EP400: variants seen among roughly 807,000 people sequenced by gnomAD.
EP400 encodes the protein E1A-binding protein p400.
A neutral mutation model predicts 354.1 loss-of-function variants in EP400; 105 were observed. The observed-to-expected ratio is 0.30, with a 90% CI of 0.25 to 0.35. The LOEUF (loss-of-function observed/expected upper bound fraction) is 0.35. Among genes scored for constraint, EP400 ranks in the 10% least tolerant of loss-of-function variants. The probability of loss-of-function intolerance (pLI) is 1.00; values close to 1 mark genes in which losing one functional copy is unlikely to be tolerated. For synonymous variants in EP400, 1,646 were observed against 1,716.9 expected (o/e 0.96, Z 1.02); for missense variants, 3,280 against 4,121.0 (o/e 0.80, Z 5.59).
At position 132,069,616 on chromosome 12, in the gene EP400, C is replaced by A; in HGVS notation, c.8996C>A (p.Ala2999Asp). The A allele has an allele frequency of 6.2e-7, 1 of 1,614,222 alleles. No homozygotes were observed. Among genetic ancestry groups the A allele is most frequent in the Non-Finnish European group, 8.5e-7 (1 of 1,180,018 alleles). ...PISQAQKLAG[A>D]QQVQTQIQVA... The stretch of plus-strand genomic sequence containing the variant: ...TCCCAGGCCCAGAAACTGGCCGGGG[C>A]CCAGCAAGTGCAGACCCAGATCCAG... Residue 2999 changes from alanine (A) to aspartate (D), a missense_variant, in exon 51 of 53, where the codon GCC becomes GAC. Ala to Asp is a moderately radical substitution (Grantham distance 126). Around this residue, in one of 20 missense-constraint regions of EP400, gnomAD observed 279 missense variants for 386.7 expected, o/e 0.72. Transcript: ENST00000389561.
At chr12:131,959,530 A>G (rs1252348700) in intron 1 of EP400, among the ~76,000 whole-genome samples, 1 of 152,116 alleles carries the variant, frequency 6.6e-6, no homozygotes, top group Non-Finnish European at 1.5e-5. Flanking sequence ...GACTTTCCTC[A>G]GTGGCCCCTT....
chr12:132,077,628 C>T lies in EP400; in HGVS notation c.9327C>T (p.Val3109=). Residue 3109 remains valine (V), a synonymous_variant, in exon 53 of 53, where the codon GTC becomes GTT. Coordinates refer to ENST00000389561, the MANE Select transcript of EP400 (RefSeq NM_015409.5). ...AGCAGCCCAAGTTACAGATGAGGGTCCCTGCTGTCAGGCTAAAGACACCTA... is the reference window on the plus strand; with the variant it reads ...AGCAGCCCAAGTTACAGATGAGGGTTCCTGCTGTCAGGCTAAAGACACCTA... The part of the protein sequence containing the change: ...PSQQPKLQMR[V]PAVRLKTPTK... 1 of 1,613,744 alleles carries T rather than the reference C, an allele frequency of 6.2e-7. No homozygotes were observed. The highest frequency in any genetic ancestry group is 8.5e-7 in the Non-Finnish European group (1 of 1,179,882).
At chr12:131,999,087 G>A (rs1893319780) in intron 12 of EP400, among the ~76,000 whole-genome samples, 1 of 151,814 alleles carries the variant, frequency 6.6e-6, no homozygotes, top group Non-Finnish European at 1.5e-5. Context: ...TTGAAAGAGA[G>A]CACTTTCAGT....
At chr12:131,968,820 G>T (rs1041276993) in intron 2 of EP400, among the ~76,000 whole-genome samples, 16 of 151,950 alleles carry the variant, frequency 1.1e-4, no homozygotes, top group Non-Finnish European at 2.9e-5. Flanking sequence ...ATTTTGGGGG[G>T]TATTATAAGT....
In EP400 at chr12:132,017,680, G is replaced by A. The variant is rs781782241; in HGVS notation, c.4069G>A (p.Ala1357Thr). ...YVAGPLEYPS[A>T]SLILKALERD... ...GGCGGGGCCACTGGAGTATCCGTCC[G>A]CATCTCTAATCCTGAAGGCACTGGA... The change falls in exon 20 of 53, where the codon GCA becomes ACA. Residue 1357 changes from alanine (A) to threonine (T), a missense_variant. By Grantham distance (58) the Ala-to-Thr change is moderately conservative (BLOSUM62 0). This residue lies in a region of EP400 where 342 missense variants were observed against 342.7 expected (regional missense o/e 1.00). Transcript: ENST00000389561. This position sits in a 1 kb window ranked among gnomAD's most constrained non-coding sequence, Gnocchi z 5.0. 51 of 1,569,606 alleles carry A rather than the reference G, an allele frequency of 3.2e-5. 2 individuals carry two copies. Among genetic ancestry groups the A allele is most frequent in the South Asian group, 2.5e-4 (21 of 85,456 alleles).
chr12:131,982,005 G>A, intron 4 of EP400, 88 bp from the exon 5 acceptor site: 3 of 1,461,022 alleles, frequency 2.1e-6, no homozygotes, highest in South Asian at 1.4e-5. Context: ...GACAAGCACT[G>A]GGGTGTTAGA....
At chr12:131,987,568 T>C in intron 6 of EP400, 137 bp from the exon 7 acceptor site, 1 of 682,656 alleles carries the variant, frequency 1.5e-6, no homozygotes, top group Non-Finnish European at 2.3e-6. Flanking sequence ...GATATTAAAC[T>C]GGGACCTTGT....
Position 132,030,161 on chromosome 12 carries a change from G to A in EP400, c.5754+3G>A. 6.2e-7 allele frequency: 1 copy of A among 1,614,150 alleles called. No homozygotes were observed. Among genetic ancestry groups the A allele is most frequent in the Non-Finnish European group, 8.5e-7 (1 of 1,179,968 alleles). ...ATGCCAGCAGTGAGCAACGGCAGGT[G>A]AGAAGCACATTGTTTACATTGTCTC... On this transcript the variant is annotated splice_donor_region_variant and intron_variant, in intron 29 of 52. Transcript: ENST00000389561.
At chr12:132,007,494 A>C (rs1893624177) in intron 15 of EP400, among the ~76,000 whole-genome samples, 1 of 151,358 alleles carries the variant, frequency 6.6e-6, no homozygotes. Context: ...CCTCCTTTCC[A>C]GTCTTTAGAG....
chr12:132,004,978 G>C (rs1380085910), intron 12 of EP400, 99 bp from the exon 13 acceptor site: 1 of 837,234 alleles, frequency 1.2e-6, no homozygotes, highest in African/African-American at 1.7e-5. Flanking sequence ...GGAGCCCCTT[G>C]CCCTTCTTAC....
intron 15 of EP400, 32 bp from the exon 16 acceptor site, chr12:132,011,466 T>C (rs752565471): frequency 1.7e-5 from 27 of 1,611,498 alleles, no homozygotes; most frequent in Non-Finnish European, 2.0e-5. Context: ...ACAGATACTT[T>C]GACGTGGAAA....
intron 1 of EP400, among the ~76,000 whole-genome samples, chr12:131,957,059 C>CA: frequency 6.6e-6 from 1 of 151,918 alleles, no homozygotes; most frequent in Admixed American, 6.6e-5. Context: ...TTAATAGAGA[C>CA]AGGGTTTTAC....
At chr12:132,006,074 T>A (rs747606373) in intron 13 of EP400, 38 bp from the exon 14 acceptor site, 1 of 1,575,064 alleles carries the variant, frequency 6.3e-7, no homozygotes, top group Admixed American at 1.8e-5. Context: ...TAAAGCCTTC[T>A]CAGTGGCCCT....
chr12:132,013,479 C>A lies in EP400; in HGVS notation c.3612-11C>A. ...GTAGAACTCCAGTGTTGTCTCTTGT[C>A]CTGTTTGCAGCCAACAACGTCTGCT... On this transcript the variant is annotated splice_polypyrimidine_tract_variant and intron_variant, in intron 17 of 52. Transcript: ENST00000389561. This position sits in a 1 kb window ranked among gnomAD's most constrained non-coding sequence, Gnocchi z 4.5. The A allele has an allele frequency of 6.4e-7, 1 of 1,550,712 alleles. No individual in the cohort carries two copies. Among genetic ancestry groups the A allele is most frequent in the Non-Finnish European group, 8.7e-7 (1 of 1,147,718 alleles).
intron 12 of EP400, among the ~76,000 whole-genome samples, chr12:132,003,652 G>A (rs1593339591): frequency 6.6e-6 from 1 of 152,078 alleles, no homozygotes; most frequent in East Asian, 1.9e-4. Context: ...CTTACATATA[G>A]CATCATATGC....
At chr12:132,016,800 C>T (rs1003047844) in intron 19 of EP400, among the ~76,000 whole-genome samples, 2 of 152,216 alleles carry the variant, frequency 1.3e-5, no homozygotes, top group African/African-American at 4.8e-5. Context: ...TGGCTCCCTC[C>T]CTGGTGTTCC....
In EP400 at chr12:132,006,246, G is replaced by T; in HGVS notation, c.3070G>T (p.Val1024Phe). The change falls in exon 14 of 53, where the codon GTC (valine) becomes TTC (phenylalanine). Residue 1024 changes from valine to phenylalanine, a missense_variant. Physicochemically the swap from Val to Phe is conservative, Grantham distance 50. Around this residue, in one of 20 missense-constraint regions of EP400, gnomAD observed 800 missense variants for 840.0 expected, o/e 0.95. Transcript: ENST00000389561. The stretch of plus-strand genomic sequence containing the variant: ...GCCAAACGCCAAGGACATTGCGGAC[G>T]TCACTGCGGTGGCTGAAGCCATCCT... ...GKPNAKDIAD[V>F]TAVAEAILPK... is the part of the protein sequence containing the mutation. 1 of 1,614,216 alleles carries T rather than the reference G, an allele frequency of 6.2e-7. No homozygotes were observed. The highest frequency in any genetic ancestry group is 1.1e-5 in the South Asian group (1 of 91,086).
At chr12:132,043,231 T>C (rs1894974231) in intron 32 of EP400, 73 bp from the exon 33 acceptor site, 2 of 1,519,518 alleles carry the variant, frequency 1.3e-6, no homozygotes, top group African/African-American at 1.4e-5. Flanking sequence ...TAACTTTACA[T>C]GGGATAGCTC....
At chr12:132,074,215 G>A (rs1244340299) in intron 51 of EP400, among the ~76,000 whole-genome samples, 6 of 152,266 alleles carry the variant, frequency 3.9e-5, no homozygotes, top group Admixed American at 6.5e-5. Flanking sequence ...ATGAGCCACC[G>A]CGCCCGGTCG....
Sources: gnomAD v4.1 joint callset for allele counts (sites outside exome capture counted in the v4.1 genomes callset) on GRCh38, gnomAD v4.1.1 for gene constraint, gnomAD v4.1.1 regional missense constraint, Gnocchi (gnomAD v3.1) non-coding constraint, MANE v1.5 for transcripts, NCBI Gene and HGNC (gene_info 2026-07-23, HGNC 2026-07-21) for gene names.